The following ACAD10 variants were observed in gnomAD, a reference collection of about 807,000 sequenced individuals.
The protein encoded by ACAD10 is acyl-CoA dehydrogenase family member 10, also known as ACAD-10.
A neutral mutation model predicts 116.8 loss-of-function variants in ACAD10; 112 were observed. That is an observed-to-expected ratio of 0.96 (90% confidence interval 0.82 to 1.12). The LOEUF (loss-of-function observed/expected upper bound fraction) is 1.12. ACAD10 is among the 50% of genes most tolerant of loss of function. The pLI, the probability that ACAD10 is intolerant of heterozygous loss-of-function variation, is 0.00. For missense variants in ACAD10, 1,259 were observed against 1,350.2 expected (o/e 0.93, Z 1.06); for synonymous variants, 486 against 510.6 (o/e 0.95, Z 0.65).
chr12:111,710,519 G>A (rs955561122), intron 5 of ACAD10, among the ~76,000 whole-genome samples: 1 of 149,626 alleles, frequency 6.7e-6, no homozygotes, highest in African/African-American at 2.5e-5. Context: ...TTTTGAAACA[G>A]AGTTTCACTT....
intron 16 of ACAD10, chr12:111,747,787 T>A: frequency 2.0e-6 from 2 of 1,024,150 alleles, no homozygotes; most frequent in Non-Finnish European, 2.3e-6. Flanking sequence ...AGTGTTACTT[T>A]TGCAGGGCCC....
chr12:111,694,794 G>GCT (rs1888150117), intron 2 of ACAD10, among the ~76,000 whole-genome samples: 1 of 152,184 alleles, frequency 6.6e-6, no homozygotes. Context: ...AGGAGGCCGA[G>GCT]GTGGGCAGAT....
intron 18 of ACAD10, among the ~76,000 whole-genome samples, chr12:111,752,401 C>A (rs1395060128): frequency 6.6e-6 from 1 of 151,418 alleles, no homozygotes; most frequent in Non-Finnish European, 1.5e-5. Context: ...GTCAGGAGTT[C>A]AAGACCAGTC....
intron 1 of ACAD10, among the ~76,000 whole-genome samples, chr12:111,691,780 G>T (rs1888051415): frequency 6.6e-6 from 1 of 151,904 alleles, no homozygotes; most frequent in Admixed American, 6.6e-5. Flanking sequence ...TTTTTGAGTA[G>T]AGATGGGGTT....
At chr12:111,728,314 G>C (rs905141679) in intron 9 of ACAD10, among the ~76,000 whole-genome samples, 171 bp downstream of exon 9, 4 of 152,152 alleles carry the variant, frequency 2.6e-5, no homozygotes, top group African/African-American at 9.6e-5. Flanking sequence ...GCTGACTTAG[G>C]CATTTGGGCC....
intron 2 of ACAD10, among the ~76,000 whole-genome samples, chr12:111,700,269 G>A (rs373416201): frequency 2.6e-5 from 4 of 152,308 alleles, no homozygotes; most frequent in African/African-American, 7.2e-5. Context: ...TTTAACATCT[G>A]TGTGGTATTC....
chr12:111,689,061 C>T (rs1456048360), intron 1 of ACAD10, among the ~76,000 whole-genome samples: 1 of 149,614 alleles, frequency 6.7e-6, no homozygotes, highest in South Asian at 2.1e-4. Flanking sequence ...CGTGGTGGCA[C>T]GCACCTGTAA....
chr12:111,687,671 T>C lies in ACAD10; in HGVS notation c.-14+1432T>C, dbSNP rs144441629. ...GCCAGGTACTAATTTGAGTGTTTCA[T>C]ATACCTTGTGTCATGCAATGGTCAC... is the stretch of plus-strand genomic sequence containing the variant. On this transcript the variant is annotated intron_variant, in intron 1 of 20. Transcript: ENST00000313698. Among the ~76,000 whole-genome samples, 782 of 152,340 alleles carry C rather than the reference T, an allele frequency of 5.1e-3. 2 individuals carry two copies. The highest frequency in any genetic ancestry group is 0.018 in the African/African-American group (735 of 41,572).
At position 111,747,158 on chromosome 12, in the gene ACAD10, G is replaced by C; in HGVS notation, c.2366G>C (p.Arg789Pro). ...ATTCCTCTGCTGGAGGGGAAAGCCC[G>C]CTCCTGTTTTGCTATGACCGAGCCC... ...WLIPLLEGKARSCFAMTEPQV... is the reference protein window; with the variant it reads ...WLIPLLEGKAPSCFAMTEPQV... Residue 789 changes from arginine (R) to proline (P), a missense_variant, in exon 15 of 21, where the codon CGC (arginine) becomes CCC (proline). Physicochemically the swap from Arg to Pro is moderately radical, Grantham distance 103 (BLOSUM62 -2). Coordinates refer to ENST00000313698, the MANE Select transcript of ACAD10 (RefSeq NM_025247.6). 6.2e-7 allele frequency: 1 copy of C among 1,612,268 alleles called. No individual in the cohort carries two copies. Among genetic ancestry groups the C allele is most frequent in the South Asian group, 1.1e-5 (1 of 90,914 alleles).
intron 6 of ACAD10, 167 bp from the exon 7 acceptor site, chr12:111,715,654 T>TC: frequency 2.4e-6 from 2 of 830,700 alleles, no homozygotes; most frequent in Non-Finnish European, 3.7e-6. Flanking sequence ...AGTGTAGACC[T>TC]GGGACTCAGT....
At chr12:111,748,256 TG>T in intron 16 of ACAD10, 60 bp from the exon 17 acceptor site, 5 of 1,599,400 alleles carry the variant, frequency 3.1e-6, no homozygotes, top group Non-Finnish European at 3.4e-6. Flanking sequence ...GGACCACGTG[TG>T]TAGAGATTTG....
chr12:111,686,782 C>T (rs1158125216), intron 1 of ACAD10, among the ~76,000 whole-genome samples: 1 of 152,150 alleles, frequency 6.6e-6, no homozygotes, highest in African/African-American at 2.4e-5. Flanking sequence ...AGACCGGGGT[C>T]CTCCTCCCCA....
At chr12:111,733,519 CTT>C (rs1889460329) in intron 10 of ACAD10, among the ~76,000 whole-genome samples, 1 of 152,064 alleles carries the variant, frequency 6.6e-6, no homozygotes, top group African/African-American at 2.4e-5. Flanking sequence ...TTCCACGTGT[CTT>C]ATATCTGTTA....
rs542458082 is a variant in ACAD10, at chr12:111,738,740, G to A, written c.1714+1736G>A. Among the ~76,000 whole-genome samples, 232 of 152,024 alleles carry A rather than the reference G, an allele frequency of 1.5e-3. 2 individuals are homozygous for A. In the Middle Eastern group the frequency reaches 0.038, roughly 25 times the overall value. On this transcript the variant is annotated intron_variant, in intron 12 of 20. Transcript: ENST00000313698. ...AAATTAGCCAGGTGTGATGGCGGGCGCCTAAAATCCCAGCTACTCAGGGGA... is the reference window on the plus strand; with the variant it reads ...AAATTAGCCAGGTGTGATGGCGGGCACCTAAAATCCCAGCTACTCAGGGGA...
chr12:111,712,686 G>A, intron 6 of ACAD10, 29 bp downstream of exon 6: 2 of 1,609,836 alleles, frequency 1.2e-6, no homozygotes, highest in Non-Finnish European at 1.7e-6. Flanking sequence ...TGTTTTGGTA[G>A]CTCTCTCCAA....
At chr12:111,723,494 G>A (rs1293166729) in intron 8 of ACAD10, among the ~76,000 whole-genome samples, 1 of 143,144 alleles carries the variant, frequency 7.0e-6, no homozygotes, top group Non-Finnish European at 1.6e-5. Context: ...CCTCCCGGAC[G>A]GGGCGGCTGG....
At chr12:111,755,838 G>A in intron 20 of ACAD10, 93 bp downstream of exon 20, 1 of 1,257,908 alleles carries the variant, frequency 7.9e-7, no homozygotes, top group South Asian at 1.2e-5. Context: ...CATAGACCCT[G>A]GCAGATGCCC....
intron 11 of ACAD10, 118 bp downstream of exon 11, chr12:111,734,186 G>A: frequency 7.1e-7 from 1 of 1,405,068 alleles, no homozygotes; most frequent in East Asian, 2.4e-5. Context: ...GGTCCTGGTG[G>A]TTCTGGTGGG....
At chr12:111,754,452 ATTC>A (rs1477187541) in intron 19 of ACAD10, among the ~76,000 whole-genome samples, 2 of 152,038 alleles carry the variant, frequency 1.3e-5, no homozygotes, top group African/African-American at 2.4e-5. Flanking sequence ...TGCCCAGCTA[ATTC>A]TTTATTTTTT....
Sources: allele counts gnomAD v4.1 joint callset (sites outside exome capture counted in the v4.1 genomes callset), GRCh38; gene constraint gnomAD v4.1.1; transcripts MANE v1.5; gene names NCBI Gene and HGNC (gene_info 2026-07-23, HGNC 2026-07-21).